The following AACS variants were observed in gnomAD, a reference collection of about 807,000 sequenced individuals.
AACS encodes the protein acetoacetyl-CoA synthetase.
A neutral mutation model predicts 83.1 loss-of-function variants in AACS; 69 were observed. That is an observed-to-expected ratio of 0.83 (90% CI 0.68 to 1.01). The LOEUF (loss-of-function observed/expected upper bound fraction) is 1.01, where lower values mean the gene tolerates loss of function less well. Among genes scored for constraint, AACS ranks in the 50% least tolerant of loss-of-function variants. The pLI, the probability that AACS is intolerant of heterozygous loss-of-function variation, is 0.00. For missense variants in AACS, 866 were observed against 882.2 expected, an observed-to-expected ratio of 0.98 and a Z score of 0.23; for synonymous variants, 333 against 343.4, an observed-to-expected ratio of 0.97 and a Z score of 0.33.
At chr12:125,112,455 C>CAGATCACA (rs1279372855) in intron 8 of AACS, among the ~76,000 whole-genome samples, 2 of 151,868 alleles carry the variant, frequency 1.3e-5, no homozygotes, top group Admixed American at 6.6e-5. Context: ...CCAAGGTGGG[C>CAGATCACA]AGATCACAAG....
chr12:125,087,536 C>T (rs540530979), intron 4 of AACS, among the ~76,000 whole-genome samples: 3 of 152,264 alleles, frequency 2.0e-5, no homozygotes, highest in East Asian at 1.9e-4. Context: ...TTGGGGCTCC[C>T]GACCTCCCTC....
Position 125,099,609 on chromosome 12 carries a change from C to T in AACS, c.571-3070C>T, listed in dbSNP as rs548257833. On this transcript the variant is annotated intron_variant, in intron 5 of 17. Coordinates refer to ENST00000316519, the MANE Select transcript of AACS (RefSeq NM_023928.5). ...TTCTGAGCAGTAAATGAGCGAATAT[C>T]GGTCCAGTGCTTAGGGCAGCACCTG... Among the ~76,000 whole-genome samples, 318 of 152,320 alleles carry T rather than the reference C, an allele frequency of 2.1e-3. 1 individual carries two copies. The highest frequency in any genetic ancestry group is 7.2e-3 in the African/African-American group (299 of 41,570).
chr12:125,103,859 G>A (rs930530975), intron 7 of AACS, among the ~76,000 whole-genome samples: 15 of 151,582 alleles, frequency 9.9e-5, no homozygotes, highest in Admixed American at 9.9e-4. Context: ...GTGGTGGCGG[G>A]CACCTGTAGT....
chr12:125,129,557 C>A lies in AACS; in HGVS notation c.1549+97C>A. The A allele has an allele frequency of 6.9e-7, 1 of 1,453,514 alleles. No homozygotes were observed. The highest frequency in any genetic ancestry group is 9.3e-7 in the Non-Finnish European group (1 of 1,081,062). 90.0% of individuals were successfully genotyped at this position (1,453,514 alleles called of 1,614,324 possible). The stretch of plus-strand genomic sequence containing the variant: ...CCATCGTGCCCCTCCCCTCTTCCTT[C>A]CCCCACCAGGGCTTGGAGAAGCTGC... On this transcript the variant is annotated intron_variant, in intron 14 of 17. Coordinates refer to ENST00000316519, the MANE Select transcript of AACS (RefSeq NM_023928.5). This position sits in a 1 kb window ranked among gnomAD's most constrained non-coding sequence, Gnocchi z 4.3.
In AACS at chr12:125,103,764, G is replaced by A. The variant is rs550610423; in HGVS notation, c.767+683G>A. The stretch of plus-strand genomic sequence containing the variant: ...AGCACTTTGGGAGGCCGAGGCAGGC[G>A]GATCACGAGGTCAGGAGATCGAGAC... On this transcript the variant is annotated intron_variant, in intron 7 of 17. Coordinates refer to ENST00000316519, the MANE Select transcript of AACS (RefSeq NM_023928.5). Among the ~76,000 whole-genome samples the A allele has an allele frequency of 8.6e-5, 13 of 151,976 alleles. No homozygotes were observed. The East Asian group carries it at 1.6e-3, about 18-fold the overall frequency.
In AACS at chr12:125,140,032, A is replaced by C. The variant is rs1269517466; in HGVS notation, c.1882-2060A>C. 1 of 152,194 alleles carries C rather than the reference A, an allele frequency of 6.6e-6. No individual in the cohort carries two copies. Among genetic ancestry groups the C allele is most frequent in the Non-Finnish European group, 1.5e-5 (1 of 68,066 alleles). 9.4% of individuals were successfully genotyped at this position (152,194 alleles called of 1,614,324 possible). A position where few individuals can be genotyped will look rare whatever the true frequency, so the allele number is the denominator to read the frequency against. On this transcript the variant is annotated intron_variant, in intron 17 of 17. Coordinates refer to ENST00000316519, the MANE Select transcript of AACS (RefSeq NM_023928.5). The surrounding 1 kb of genome is among the most constrained non-coding windows in gnomAD (Gnocchi z 5.1). ...GCCCAAGGAAGGGGTGTCCATAGTC[A>C]GCTCTGCCTTCTGCTCACCCAGAAT...
chr12:125,125,181 G>A (rs1345382002), intron 12 of AACS, 157 bp downstream of exon 12: 10 of 1,203,396 alleles, frequency 8.3e-6, no homozygotes, highest in Middle Eastern at 2.3e-4. Flanking sequence ...GATGTTCCAC[G>A]AAGTCACTGT....
chr12:125,079,714 A>C (rs1956121450), intron 3 of AACS, among the ~76,000 whole-genome samples: 1 of 152,054 alleles, frequency 6.6e-6, no homozygotes, highest in African/African-American at 2.4e-5. Flanking sequence ...ATTAGCATAT[A>C]ATTCATATAC....
chr12:125,103,620 G>A (rs1341358323), intron 7 of AACS, among the ~76,000 whole-genome samples: 1 of 152,212 alleles, frequency 6.6e-6, no homozygotes, highest in Non-Finnish European at 1.5e-5. Context: ...CATTGCTGAT[G>A]ACATCTTCCT....
In AACS at chr12:125,129,522, T is replaced by C. The variant is rs968767681; in HGVS notation, c.1549+62T>C. The C allele has an allele frequency of 1.3e-6, 2 of 1,581,618 alleles. No homozygotes were observed. Among genetic ancestry groups the C allele is most frequent in the African/African-American group, 2.7e-5 (2 of 74,048 alleles). On this transcript the variant is annotated intron_variant, in intron 14 of 17. Transcript: ENST00000316519. This position sits in a 1 kb window ranked among gnomAD's most constrained non-coding sequence, Gnocchi z 4.3. The stretch of plus-strand genomic sequence containing the variant: ...CTGCCTTGGCTGGGCCTTCTGTGTC[T>C]AATTCTGTACCATCGTGCCCCTCCC...
chr12:125,075,432 C>T (rs1955998188), intron 2 of AACS, among the ~76,000 whole-genome samples: 1 of 151,706 alleles, frequency 6.6e-6, no homozygotes, highest in South Asian at 2.1e-4. Context: ...GCTGGGATTA[C>T]AGGCGCCCGC....
chr12:125,134,593 C>T (rs999247890), intron 15 of AACS, among the ~76,000 whole-genome samples: 2 of 152,178 alleles, frequency 1.3e-5, no homozygotes, highest in Non-Finnish European at 2.9e-5. Context: ...GACAGATGTT[C>T]CTGCCTCCCT....
At chr12:125,125,957 A>AT (rs34943168) in intron 12 of AACS, 5,780 of 143,660 alleles carry the variant, frequency 0.04, 124 homozygotes, top group African/African-American at 0.061. Context: ...TTCCAAGTGA[A>AT]TTTTTTTTTT....
rs886741917 is a variant in AACS, at chr12:125,130,582, C to T, written c.1549+1122C>T. On this transcript the variant is annotated intron_variant, in intron 14 of 17. Coordinates refer to ENST00000316519, the MANE Select transcript of AACS (RefSeq NM_023928.5). This position sits in a 1 kb window ranked among gnomAD's most constrained non-coding sequence, Gnocchi z 4.9. ...GCTCTTTGAAAACTCTCTTTTCTGT[C>T]ACTTTATTTGTCACATGTGCAAGGG... 3.9e-5 allele frequency among the ~76,000 whole-genome samples: 6 copies of T among 152,242 alleles called. No homozygotes were observed. Among genetic ancestry groups the T allele is most frequent in the African/African-American group, 1.2e-4 (5 of 41,468 alleles).
intron 5 of AACS, chr12:125,101,311 A>T (rs1268515547): frequency 6.6e-6 from 1 of 152,246 alleles, no homozygotes; most frequent in Non-Finnish European, 1.5e-5. Flanking sequence ...GCATGGAAGG[A>T]ATCCCCTGTT....
At chr12:125,115,239 T>C (rs1957034171) in intron 9 of AACS, among the ~76,000 whole-genome samples, 1 of 151,098 alleles carries the variant, frequency 6.6e-6, no homozygotes, top group Non-Finnish European at 1.5e-5. Context: ...CTACAGGTCC[T>C]AGGTGATGCT....
chr12:125,104,104 G>A (rs984661122), intron 7 of AACS, among the ~76,000 whole-genome samples: 1 of 149,482 alleles, frequency 6.7e-6, no homozygotes, highest in African/African-American at 2.4e-5. Flanking sequence ...AGTTCTTGGA[G>A]TTATACCTTC....
chr12:125,077,957 G>A (rs1956070509), intron 3 of AACS: 13 of 359,548 alleles, frequency 3.6e-5, no homozygotes, highest in Admixed American at 1.1e-4. Flanking sequence ...GATTCCCCCC[G>A]CCTCGGCCTC....
chr12:125,089,522 C>T (rs1426583789), intron 4 of AACS, among the ~76,000 whole-genome samples: 1 of 152,146 alleles, frequency 6.6e-6, no homozygotes, highest in Non-Finnish European at 1.5e-5. Flanking sequence ...CATGAGGATT[C>T]CCTGCCTCTG....
Sources: gnomAD v4.1 joint callset for allele counts (sites outside exome capture counted in the v4.1 genomes callset) on GRCh38, gnomAD v4.1.1 for gene constraint, Gnocchi (gnomAD v3.1) non-coding constraint, MANE v1.5 for transcripts, NCBI Gene and HGNC (gene_info 2026-07-23, HGNC 2026-07-21) for gene names.